Variants in SNAPC4 observed in about 807,000 individuals in gnomAD.
SNAPC4 encodes the protein snRNA-activating protein complex subunit 4.
SNAPC4 carries 127 observed loss-of-function variants against 151.3 expected under a neutral mutation model. That is an observed-to-expected ratio of 0.84 (90% CI 0.73 to 0.97). The LOEUF is 0.97. Ranked by LOEUF, SNAPC4 falls within the 50% of genes least tolerant of loss-of-function variation. The pLI, the probability that SNAPC4 is intolerant of heterozygous loss-of-function variation, is 0.00. For synonymous variants in SNAPC4, 1,002 were observed against 824.4 expected, an observed-to-expected ratio of 1.22 and a Z score of -3.69; for missense variants, 2,186 against 1,935.0, an observed-to-expected ratio of 1.13 and a Z score of -2.43.
intron 3 of SNAPC4, among the ~76,000 whole-genome samples, chr9:136,395,978 T>C (rs1381203163): frequency 2.0e-5 from 3 of 152,246 alleles, no homozygotes; most frequent in African/African-American, 7.2e-5. Context: ...AGGCGGCCTG[T>C]GTGCGCCTTT....
intron 10 of SNAPC4, 105 bp downstream of exon 10, chr9:136,391,837 C>A (rs949228204): frequency 2.4e-6 from 3 of 1,237,518 alleles, no homozygotes; most frequent in African/African-American, 1.5e-5. Flanking sequence ...AGAAACCTGG[C>A]GGTGAGTGAG....
chr9:136,388,618 G>A (rs771164033), intron 10 of SNAPC4, 27 bp from the exon 11 acceptor site: 23 of 1,613,302 alleles, frequency 1.4e-5, no homozygotes, highest in East Asian at 2.2e-5. Flanking sequence ...AAAAGCAAAT[G>A]AGTGTTACTG....
Position 136,379,824 on chromosome 9 carries a change from G to A in SNAPC4, c.2527+13C>T. The A allele has an allele frequency of 1.2e-6, 2 of 1,612,984 alleles. No homozygotes were observed. Among genetic ancestry groups the A allele is most frequent in the Non-Finnish European group, 8.5e-7 (1 of 1,179,456 alleles). ...TAGGTCTCTTCCCCACCAGGGCAGA[G>A]AAGCAGAGTTACCTGGGGTGCTCTG... On this transcript the variant is annotated intron_variant, in intron 21 of 23. Coordinates refer to ENST00000684778, the MANE Select transcript of SNAPC4 (RefSeq NM_003086.4).
intron 23 of SNAPC4, 107 bp downstream of exon 23, chr9:136,376,242 C>T (rs760989484): frequency 1.0e-5 from 14 of 1,375,176 alleles, no homozygotes; most frequent in Non-Finnish European, 1.4e-5. Context: ...ACCCAGCACA[C>T]CTGCTGTGAG....
chr9:136,377,586 C>G lies in SNAPC4; in HGVS notation c.4241G>C (p.Arg1414Thr), dbSNP rs1833496412. 1 of 1,528,324 alleles carries G rather than the reference C, an allele frequency of 6.5e-7. No individual in the cohort carries two copies. Among genetic ancestry groups the G allele is most frequent in the Non-Finnish European group, 8.8e-7 (1 of 1,135,710 alleles). 94.7% of individuals were successfully genotyped at this position (1,528,324 alleles called of 1,614,324 possible). A position where few individuals can be genotyped will look rare whatever the true frequency, so the allele number is the denominator to read the frequency against. The stretch of plus-strand genomic sequence containing the variant: ...TGTCGTGCAGCCCGGCTGCCCGTCC[C>G]TGTCTGCAAGTTCCAGCTCACTCAG... The part of the protein sequence containing the change: ...DLLSELELAD[R>T]DGQPGCTTAT... The change falls in exon 22 of 24, where the codon AGG (arginine) becomes ACG (threonine). Residue 1414 changes from arginine (R) to threonine (T), a missense_variant. By Grantham distance (71) the Arg-to-Thr change is moderately conservative (BLOSUM62 -1). Transcript: ENST00000684778.
Position 136,392,039 on chromosome 9 carries a change from T to C in SNAPC4, c.878A>G (p.Asn293Ser). 1.2e-6 allele frequency: 2 copies of C among 1,612,562 alleles called. No homozygotes were observed. Among genetic ancestry groups the C allele is most frequent in the Non-Finnish European group, 1.7e-6 (2 of 1,179,970 alleles). Reference protein sequence around the residue: ...FWQNSEHPSINKQEWSREEEE... With the variant: ...FWQNSEHPSISKQEWSREEEE... ...CTCCTCCCTGCTCCACTCCTGCTTG[T>C]TGATGCTGGGGTGCTCCGAGTTCTG... The change falls in exon 10 of 24, where the codon AAC becomes AGC. Residue 293 changes from asparagine to serine, a missense_variant. By Grantham distance (46) the Asn-to-Ser change is conservative (BLOSUM62 1). Transcript: ENST00000684778.
At chr9:136,376,165 CAGGA>C (rs1395373804) in intron 23 of SNAPC4, among the ~76,000 whole-genome samples, 180 bp downstream of exon 23, 1 of 152,204 alleles carries the variant, frequency 6.6e-6, no homozygotes, top group Non-Finnish European at 1.5e-5. Flanking sequence ...GGGTGGCCAG[CAGGA>C]AGGATGTGGG....
At position 136,383,699 on chromosome 9, in the gene SNAPC4, T is replaced by C. The variant is rs1206319920; in HGVS notation, c.1501-31A>G. On this transcript the variant is annotated intron_variant, in intron 15 of 23. Transcript: ENST00000684778. The surrounding 1 kb of genome is among the most constrained non-coding windows in gnomAD (Gnocchi z 4.2). ...GGGAGGAAAGAGCTACTTAGAGGCC[T>C]TGGCAAGCCCGGTTCACCCATGATG... The C allele has an allele frequency of 2.5e-6, 4 of 1,574,204 alleles. No homozygotes were observed. The highest frequency in any genetic ancestry group is 2.4e-5 in the South Asian group (2 of 84,026).
rs3829113 is a variant in SNAPC4, at chr9:136,395,778, C to G, written c.178-8G>C. 9,220 of 1,607,484 alleles carry G rather than the reference C, an allele frequency of 5.7e-3. 704 individuals are homozygous for G. In the East Asian group the frequency reaches 0.17, roughly 30 times the overall value. On this transcript the variant is annotated splice_polypyrimidine_tract_variant and splice_region_variant and intron_variant, in intron 3 of 23. Coordinates refer to ENST00000684778, the MANE Select transcript of SNAPC4 (RefSeq NM_003086.4). ...GCCCCACCTTTCTTCTTCCTGGTAA[C>G]GAGCCAGAAATGGCATGTGACGAGA...
chr9:136,378,543 C>T lies in SNAPC4; in HGVS notation c.3284G>A (p.Ser1095Asn), dbSNP rs894888796. Residue 1095 changes from serine (S) to asparagine (N), a missense_variant, in exon 22 of 24, where the codon AGC becomes AAC. Ser to Asn is a conservative substitution (Grantham distance 46, BLOSUM62 1). Transcript: ENST00000684778. The part of the protein sequence containing the change: ...LLPVPVPAVV[S>N]LPRPAGTPGP... ...AGGGGTCCCTGCTGGCCTGGGAAGG[C>T]TCACCACAGCTGGTACAGGAACAGG... 5.7e-6 allele frequency: 9 copies of T among 1,592,380 alleles called. No individual in the cohort carries two copies. Among genetic ancestry groups the T allele is most frequent in the Admixed American group, 5.2e-5 (3 of 57,882 alleles).
At chr9:136,395,237 G>A in intron 5 of SNAPC4, 61 bp downstream of exon 5, 1 of 1,568,794 alleles carries the variant, frequency 6.4e-7, no homozygotes, top group African/African-American at 1.4e-5. Flanking sequence ...AGGACTTGGG[G>A]ACAAGAACCC....
chr9:136,378,046 G>T lies in SNAPC4; in HGVS notation c.3781C>A (p.Gln1261Lys), dbSNP rs1833525446. Reference protein sequence around the residue: ...ALDLEKPPLPQPGPEKGALDL... With the variant: ...ALDLEKPPLPKPGPEKGALDL... ...AGGGCCCCCTTCTCAGGCCCAGGCT[G>T]GGGTAGGGGCGGCTTCTCCAGGTCC... is the stretch of plus-strand genomic sequence containing the variant. Residue 1261 changes from glutamine (Q) to lysine (K), a missense_variant, in exon 22 of 24, where the codon CAG becomes AAG. By Grantham distance (53) the Gln-to-Lys change is moderately conservative. Transcript: ENST00000684778. The T allele has an allele frequency of 6.3e-7, 1 of 1,583,470 alleles. No homozygotes were observed. The highest frequency in any genetic ancestry group is 1.3e-5 in the African/African-American group (1 of 74,144).
intron 20 of SNAPC4, among the ~76,000 whole-genome samples, chr9:136,380,513 G>A (rs972396002): frequency 6.6e-6 from 1 of 152,224 alleles, no homozygotes; most frequent in African/African-American, 2.4e-5. Context: ...GCCCAGCGGG[G>A]CTATGGGGGA....
Position 136,394,236 on chromosome 9 carries a change from G to T in SNAPC4, c.632+13C>A, listed in dbSNP as rs76179734. 0.2 allele frequency: 318,133 copies of T among 1,605,902 alleles called. 32,296 individuals carry two copies. The highest frequency in any genetic ancestry group is 0.28 in the Admixed American group (16,992 of 59,986). On this transcript the variant is annotated intron_variant, in intron 7 of 23. Coordinates refer to ENST00000684778, the MANE Select transcript of SNAPC4 (RefSeq NM_003086.4). Reference sequence around the variant, plus strand: ...GCCTGAAGACCGTTTTTGACTTATGGTTTTAGACTTACTTCAGTAACTTGG... The same window carrying T: ...GCCTGAAGACCGTTTTTGACTTATGTTTTTAGACTTACTTCAGTAACTTGG...
In SNAPC4 at chr9:136,377,964, C is replaced by A; in HGVS notation, c.3863G>T (p.Gly1288Val). The A allele has an allele frequency of 6.2e-7, 1 of 1,601,128 alleles. No individual in the cohort carries two copies. Among genetic ancestry groups the A allele is most frequent in the Non-Finnish European group, 8.5e-7 (1 of 1,173,842 alleles). Residue 1288 changes from glycine to valine, a missense_variant, in exon 22 of 24, where the codon GGC becomes GTC. Physicochemically the swap from Gly to Val is moderately radical, Grantham distance 109 (BLOSUM62 -3). Coordinates refer to ENST00000684778, the MANE Select transcript of SNAPC4 (RefSeq NM_003086.4). The stretch of plus-strand genomic sequence containing the variant: ...AAGAGGCACACGCACCCCCCGCTGG[C>A]CCCCCAGCCACTGCTGTGTGGCCGC... ...GEAATQQWLG[G>V]QRGVRVPLLG...
intron 12 of SNAPC4, 78 bp downstream of exon 12, chr9:136,387,664 C>T: frequency 7.4e-7 from 1 of 1,359,162 alleles, no homozygotes; most frequent in Admixed American, 1.7e-5. Flanking sequence ...GAGAAGGGAC[C>T]ACTGGGGCAC....
At chr9:136,376,830 C>T (rs1341646642) in intron 22 of SNAPC4, among the ~76,000 whole-genome samples, 1 of 152,216 alleles carries the variant, frequency 6.6e-6, no homozygotes, top group Non-Finnish European at 1.5e-5. Flanking sequence ...ATTGCTTCCT[C>T]CCACACTTCA....
In SNAPC4 at chr9:136,387,465, C is replaced by T. The variant is rs1445045809; in HGVS notation, c.1325+20G>A. 1 of 1,572,616 alleles carries T rather than the reference C, an allele frequency of 6.4e-7. No individual in the cohort carries two copies. Among genetic ancestry groups the T allele is most frequent in the Admixed American group, 1.7e-5 (1 of 59,988 alleles). On this transcript the variant is annotated intron_variant, in intron 13 of 23. Transcript: ENST00000684778. The stretch of plus-strand genomic sequence containing the variant: ...GTGACCCACACGGGCCCCTCCCTCG[C>T]TCAGCGCTGTGCGACTCACCGATCT...
intron 2 of SNAPC4, 38 bp downstream of exon 2, chr9:136,398,261 T>C (rs1834341434): frequency 2.5e-6 from 4 of 1,587,958 alleles, no homozygotes; most frequent in Non-Finnish European, 3.4e-6. Flanking sequence ...CCAGCTGTTC[T>C]TACCAGGACC....
Sources: gnomAD v4.1 joint callset for allele counts (sites outside exome capture counted in the v4.1 genomes callset) on GRCh38, gnomAD v4.1.1 for gene constraint, Gnocchi (gnomAD v3.1) non-coding constraint, MANE v1.5 for transcripts, NCBI Gene and HGNC (gene_info 2026-07-23, HGNC 2026-07-21) for gene names.